PLAAT2: variants seen among roughly 807,000 people sequenced by gnomAD.
PLAAT2 encodes the protein HRAS like suppressor 2.
In PLAAT2, 12 loss-of-function variants were observed where a neutral mutation model predicts 12.8. The observed-to-expected ratio is 0.94, with a 90% CI of 0.60 to 1.52. The LOEUF is 1.52. Ranked by LOEUF, PLAAT2 falls within the 40% of genes most tolerant of loss-of-function variation. The probability of loss-of-function intolerance (pLI) is 0.00; values close to 1 mark genes in which losing one functional copy is unlikely to be tolerated. For missense variants in PLAAT2, 166 were observed against 208.1 expected, an observed-to-expected ratio of 0.80 and a Z score of 1.24; for synonymous variants, 79 against 86.8, an observed-to-expected ratio of 0.91 and a Z score of 0.50.
At chr11:63,559,479 T>G (rs2017498598) in intron 2 of PLAAT2, among the ~76,000 whole-genome samples, 1 of 152,006 alleles carries the variant, frequency 6.6e-6, no homozygotes, top group Admixed American at 6.6e-5. Context: ...ACTGTGTGTC[T>G]TCAGAAAAAG....
chr11:63,562,078 C>CA (rs756699746), intron 1 of PLAAT2, among the ~76,000 whole-genome samples: 4 of 152,188 alleles, frequency 2.6e-5, no homozygotes, highest in Non-Finnish European at 4.4e-5. Context: ...AAAACTACAA[C>CA]AAACCCCAAA....
In PLAAT2 at chr11:63,552,977, C is replaced by T. The variant is rs1565238748; in HGVS notation, c.476G>A (p.Arg159Gln). 9.3e-6 allele frequency: 15 copies of T among 1,612,318 alleles called. No homozygotes were observed. The highest frequency in any genetic ancestry group is 1.3e-5 in the African/African-American group (1 of 74,984). The change falls in exon 4 of 4, where the codon CGG (arginine) becomes CAG (glutamine). Residue 159 changes from arginine to glutamine, a missense_variant. Coordinates refer to ENST00000255695, the MANE Select transcript of PLAAT2 (RefSeq NM_017878.2). ...LVGILLARSK[R>Q]ERQ is the part of the protein sequence containing the mutation. Reference sequence around the variant, plus strand: ...AATTTCTTGGATTTATTGCCTTTCCCGCTTGCTTCTGGCCAGCAGGATCCC... The same window carrying T: ...AATTTCTTGGATTTATTGCCTTTCCTGCTTGCTTCTGGCCAGCAGGATCCC...
chr11:63,564,026 A>C (rs1590672706), upstream of PLAAT2, among the ~76,000 whole-genome samples: 1 of 152,184 alleles, frequency 6.6e-6, no homozygotes, highest in East Asian at 1.9e-4. Context: ...AGAGAGACTG[A>C]GATTCATGCC....
chr11:63,562,880 C>T (rs2017530872), intron 1 of PLAAT2, among the ~76,000 whole-genome samples: 1 of 152,146 alleles, frequency 6.6e-6, no homozygotes, highest in African/African-American at 2.4e-5. Flanking sequence ...CCCATTGCCA[C>T]CCACACAGCT....
At chr11:63,554,457 C>A (rs953655089) in intron 3 of PLAAT2, among the ~76,000 whole-genome samples, 1 of 150,356 alleles carries the variant, frequency 6.7e-6, no homozygotes, top group East Asian at 1.9e-4. Flanking sequence ...CATGGTGAGA[C>A]CCCCGTCTCC....
chr11:63,554,812 GTGAC>G (rs200768428), intron 3 of PLAAT2, among the ~76,000 whole-genome samples: 1,618 of 152,200 alleles, frequency 0.011, 110 homozygotes, highest in Admixed American at 0.095. Flanking sequence ...AAGCATGTGA[GTGAC>G]TGGGGAAAAG....
At chr11:63,554,358 G>T (rs1269730937) in intron 3 of PLAAT2, among the ~76,000 whole-genome samples, 5 of 151,180 alleles carry the variant, frequency 3.3e-5, no homozygotes, top group Admixed American at 2.0e-4. Flanking sequence ...GGCCGGGGGG[G>T]CGGTGGCTCA....
intron 2 of PLAAT2, 74 bp from the exon 3 acceptor site, chr11:63,558,734 C>T: frequency 6.5e-7 from 1 of 1,546,098 alleles, no homozygotes; most frequent in East Asian, 2.3e-5. Flanking sequence ...GCCTCATCGC[C>T]CCGAGCACCA....
At chr11:63,554,228 G>A (rs868170113) in intron 3 of PLAAT2, among the ~76,000 whole-genome samples, 1 of 152,048 alleles carries the variant, frequency 6.6e-6, no homozygotes, top group Middle Eastern at 3.2e-3. Flanking sequence ...CACTGTGCTG[G>A]GAACTCTCCA....
At chr11:63,563,807 G>A (rs1469125420), upstream of PLAAT2, among the ~76,000 whole-genome samples, 1 of 151,500 alleles carries the variant, frequency 6.6e-6, no homozygotes, top group Non-Finnish European at 1.5e-5. Flanking sequence ...ATATCAAGTA[G>A]GCAAGGCGGC....
chr11:63,558,733 C>T (rs540162285), intron 2 of PLAAT2, 73 bp from the exon 3 acceptor site: 2 of 1,545,234 alleles, frequency 1.3e-6, no homozygotes, highest in East Asian at 2.3e-5. Context: ...AGCCTCATCG[C>T]CCCGAGCACC....
At chr11:63,562,600 C>T (rs1424243558) in intron 1 of PLAAT2, among the ~76,000 whole-genome samples, 1 of 152,130 alleles carries the variant, frequency 6.6e-6, no homozygotes, top group Non-Finnish European at 1.5e-5. Context: ...TTGGGCAGCC[C>T]CCTCTCTATA....
Position 63,558,747 on chromosome 11 carries a change from A to T in PLAAT2, c.119-87T>A, listed in dbSNP as rs770701194. ...CAGCCTCATCGCCCCGAGCACCATC[A>T]AGGAGGAGCAGCTGTGGAAGGACTT... On this transcript the variant is annotated intron_variant, in intron 2 of 3. Coordinates refer to ENST00000255695, the MANE Select transcript of PLAAT2 (RefSeq NM_017878.2). The T allele has an allele frequency of 6.8e-5, 101 of 1,480,524 alleles. 1 individual carries two copies. The highest frequency in any genetic ancestry group is 1.0e-5 in the Non-Finnish European group (11 of 1,079,520). The allele number at this position is 1,480,524 out of a possible 1,614,324, so 91.7% of individuals were successfully genotyped here.
At chr11:63,556,180 G>A (rs2017464788) in intron 3 of PLAAT2, among the ~76,000 whole-genome samples, 1 of 152,102 alleles carries the variant, frequency 6.6e-6, no homozygotes, top group Non-Finnish European at 1.5e-5. Flanking sequence ...AGACAGAGGA[G>A]AGTCTTTCCA....
upstream of PLAAT2, among the ~76,000 whole-genome samples, chr11:63,563,557 A>G (rs2017537569): frequency 6.6e-6 from 1 of 151,972 alleles, no homozygotes; most frequent in Admixed American, 6.6e-5. Context: ...TCTCTCCTAA[A>G]AAATAGAAAA....
At chr11:63,554,553 A>G (rs2017448803) in intron 3 of PLAAT2, among the ~76,000 whole-genome samples, 1 of 151,692 alleles carries the variant, frequency 6.6e-6, no homozygotes, top group East Asian at 1.9e-4. Flanking sequence ...GCTTGAACCC[A>G]GGAGGCAGAG....
intron 3 of PLAAT2, among the ~76,000 whole-genome samples, chr11:63,555,834 A>G (rs2017461428): frequency 6.6e-6 from 1 of 152,176 alleles, no homozygotes; most frequent in Non-Finnish European, 1.5e-5. Context: ...TCCCTTCCCC[A>G]CCCATGGATA....
chr11:63,553,464 A>AC lies in PLAAT2; in HGVS notation c.388-400dup, dbSNP rs949636635. On this transcript the variant is annotated intron_variant, in intron 3 of 3. Coordinates refer to ENST00000255695, the MANE Select transcript of PLAAT2 (RefSeq NM_017878.2). ...AGACCAGCCTAGGCAACATGGTGAGACCCCCATCTCTACAAAAAAATACAA... is the reference window on the plus strand; with the variant it reads ...AGACCAGCCTAGGCAACATGGTGAGACCCCCCATCTCTACAAAAAAATACAA... 3.6e-4 allele frequency among the ~76,000 whole-genome samples: 53 copies of AC among 145,434 alleles called. 1 individual carries two copies. Among genetic ancestry groups the AC allele is most frequent in the Middle Eastern group, 3.5e-3 (1 of 284 alleles).
chr11:63,553,781 A>C (rs2017440192), intron 3 of PLAAT2, among the ~76,000 whole-genome samples: 1 of 152,010 alleles, frequency 6.6e-6, no homozygotes. Flanking sequence ...TTGGGAAATC[A>C]CCCCTGGGAA....
Sources: allele counts gnomAD v4.1 joint callset (sites outside exome capture counted in the v4.1 genomes callset), GRCh38; gene constraint gnomAD v4.1.1; transcripts MANE v1.5; gene names NCBI Gene and HGNC (gene_info 2026-07-23, HGNC 2026-07-21).